Variants in PAX7 observed in about 807,000 individuals in gnomAD.
PAX7 encodes paired box protein Pax-7.
Under a neutral mutation model 50.7 loss-of-function variants are expected in PAX7, and 18 were observed. That is an observed-to-expected ratio of 0.36 (90% CI 0.25 to 0.53). The LOEUF (loss-of-function observed/expected upper bound fraction) is 0.53. PAX7 is among the 20% of genes least tolerant of loss of function. The pLI, the probability that PAX7 is intolerant of heterozygous loss-of-function variation, is 0.93. For missense variants in PAX7, 644 were observed against 702.9 expected, an observed-to-expected ratio of 0.92 and a Z score of 0.95; for synonymous variants, 310 against 290.4, an observed-to-expected ratio of 1.07 and a Z score of -0.69.
In PAX7 at chr1:18,654,053, G is replaced by A. The variant is rs189275987; in HGVS notation, c.586+17682G>A. ...GACTGCAAATACGCCAAAGATGAAC[G>A]CCGCCCGCAGCTGGCTGGCTGCAGC... is the stretch of plus-strand genomic sequence containing the variant. On this transcript the variant is annotated intron_variant, in intron 4 of 8. Coordinates refer to ENST00000420770, the MANE Select transcript of PAX7 (RefSeq NM_001135254.2). Among the ~76,000 whole-genome samples, 6 of 152,092 alleles carry A rather than the reference G, an allele frequency of 3.9e-5. No homozygotes were observed. The East Asian group carries it at 7.8e-4, about 20-fold the overall frequency.
intron 4 of PAX7, among the ~76,000 whole-genome samples, chr1:18,667,413 A>G (rs913708954): frequency 3.3e-5 from 5 of 149,718 alleles, no homozygotes; most frequent in Admixed American, 6.7e-5. Flanking sequence ...GAAGGAAGGA[A>G]GGAAGGAAGG....
intron 7 of PAX7, among the ~76,000 whole-genome samples, chr1:18,704,404 T>A (rs1339279840): frequency 1.3e-5 from 2 of 152,178 alleles, no homozygotes; most frequent in Non-Finnish European, 2.9e-5. Context: ...GTGGATCACC[T>A]GAGGTCAAGA....
chr1:18,645,433 C>T (rs1165278587), intron 4 of PAX7, among the ~76,000 whole-genome samples: 4 of 152,226 alleles, frequency 2.6e-5, no homozygotes, highest in African/African-American at 9.6e-5. Flanking sequence ...GAAAACTCCA[C>T]CCTAAACTTT....
chr1:18,721,143 G>A (rs1391001521), intron 7 of PAX7, among the ~76,000 whole-genome samples: 3 of 152,056 alleles, frequency 2.0e-5, no homozygotes, highest in Admixed American at 1.3e-4. Flanking sequence ...TGTCTGTGGC[G>A]AGGACCTTTT....
chr1:18,735,931 C>T lies in PAX7; in HGVS notation c.1402+53C>T. 1 of 1,614,008 alleles carries T rather than the reference C, an allele frequency of 6.2e-7. No individual in the cohort carries two copies. Among genetic ancestry groups the T allele is most frequent in the Non-Finnish European group, 8.5e-7 (1 of 1,180,030 alleles). Reference sequence around the variant, plus strand: ...CCGTCCCCATTCCTTCTCCCACCCCCAGGGCCTCCTGCTTGTTTATGGAGA... The same window carrying T: ...CCGTCCCCATTCCTTCTCCCACCCCTAGGGCCTCCTGCTTGTTTATGGAGA... On this transcript the variant is annotated intron_variant, in intron 8 of 8. Coordinates refer to ENST00000420770, the MANE Select transcript of PAX7 (RefSeq NM_001135254.2). The surrounding 1 kb of genome is among the most constrained non-coding windows in gnomAD (Gnocchi z 4.0).
At chr1:18,744,151 G>T (rs890117765) in intron 8 of PAX7, among the ~76,000 whole-genome samples, 7 of 152,134 alleles carry the variant, frequency 4.6e-5, no homozygotes, top group African/African-American at 1.7e-4. Context: ...CAAAGGTCTT[G>T]CTTTGCCTTA....
intron 8 of PAX7, among the ~76,000 whole-genome samples, chr1:18,737,291 A>G (rs866542197): frequency 2.0e-5 from 3 of 152,086 alleles, no homozygotes; most frequent in Non-Finnish European, 4.4e-5. Context: ...CCCCCAGCCC[A>G]GCCCTGGGCC....
At chr1:18,701,237 T>C (rs2100322210) in intron 6 of PAX7, among the ~76,000 whole-genome samples, 1 of 152,324 alleles carries the variant, frequency 6.6e-6, no homozygotes, top group South Asian at 2.1e-4. Flanking sequence ...GAACGGATTC[T>C]GCAGGGACTT....
At chr1:18,737,604 G>A (rs969956616) in intron 8 of PAX7, among the ~76,000 whole-genome samples, 19 of 152,238 alleles carry the variant, frequency 1.2e-4, no homozygotes, top group Admixed American at 3.9e-4. Flanking sequence ...GCATATGCGC[G>A]AATACATGTA....
intron 4 of PAX7, among the ~76,000 whole-genome samples, chr1:18,637,435 G>A (rs2088180270): frequency 6.6e-6 from 1 of 152,208 alleles, no homozygotes. Context: ...CAGGCTGAGG[G>A]AATCGGAAAG....
At chr1:18,720,879 T>C (rs2089484814) in intron 7 of PAX7, among the ~76,000 whole-genome samples, 1 of 151,438 alleles carries the variant, frequency 6.6e-6, no homozygotes, top group Admixed American at 6.6e-5. Flanking sequence ...AGGCCAGGGA[T>C]GATGGAGGGG....
chr1:18,636,376 G>A lies in PAX7; in HGVS notation c.586+5G>A. On this transcript the variant is annotated splice_donor_5th_base_variant and intron_variant, in intron 4 of 8. Coordinates refer to ENST00000420770, the MANE Select transcript of PAX7 (RefSeq NM_001135254.2). The surrounding 1 kb of genome is among the most constrained non-coding windows in gnomAD (Gnocchi z 5.1). ...ACGGCATCCTGGGCGACAAAGGTAG[G>A]GAACTTCCCTGGGCTGCGAGGCCCC... The A allele has an allele frequency of 6.2e-7, 1 of 1,614,078 alleles. No homozygotes were observed. Among genetic ancestry groups the A allele is most frequent in the Non-Finnish European group, 8.5e-7 (1 of 1,179,922 alleles).
At chr1:18,670,473 G>A (rs1356469117) in intron 4 of PAX7, among the ~76,000 whole-genome samples, 1 of 152,100 alleles carries the variant, frequency 6.6e-6, no homozygotes, top group South Asian at 2.1e-4. Flanking sequence ...ACCTGTCTGC[G>A]CCCCTCCCAC....
Position 18,700,484 on chromosome 1 carries a change from C to T in PAX7, c.787-169C>T, listed in dbSNP as rs142446845. ...GTTGTGAGGGCAGAATGGGGTCATA[C>T]CTATGAAATCACTCTGCAAAGCGTC... On this transcript the variant is annotated intron_variant, in intron 5 of 8. Transcript: ENST00000420770. The surrounding 1 kb of genome is among the most constrained non-coding windows in gnomAD (Gnocchi z 4.8). Among the ~76,000 whole-genome samples, 381 of 152,266 alleles carry T rather than the reference C, an allele frequency of 2.5e-3. 8 individuals carry two copies. In the South Asian group the frequency reaches 0.036, roughly 15 times the overall value.
chr1:18,633,209 T>G (rs1023390839), intron 1 of PAX7, among the ~76,000 whole-genome samples: 5 of 152,118 alleles, frequency 3.3e-5, no homozygotes, highest in Non-Finnish European at 5.9e-5. Flanking sequence ...CGGAGCCTCT[T>G]CTCGCCTCCT....
chr1:18,726,576 G>T lies in PAX7; in HGVS notation c.1156-9056G>T, dbSNP rs77031823. 0.082 allele frequency among the ~76,000 whole-genome samples: 12,433 copies of T among 152,156 alleles called. 624 individuals carry two copies. Among genetic ancestry groups the T allele is most frequent in the Middle Eastern group, 0.17 (49 of 294 alleles). ...TGGCCACAAGAAAACAACAAACAGG[G>T]TGAGGCTCAGTCTGTTCCCAGGCAG... On this transcript the variant is annotated intron_variant, in intron 7 of 8. Coordinates refer to ENST00000420770, the MANE Select transcript of PAX7 (RefSeq NM_001135254.2). This position sits in a 1 kb window ranked among gnomAD's most constrained non-coding sequence, Gnocchi z 4.8.
chr1:18,683,732 C>T (rs1293942942), intron 4 of PAX7, among the ~76,000 whole-genome samples: 1 of 152,050 alleles, frequency 6.6e-6, no homozygotes, highest in African/African-American at 2.4e-5. Context: ...CCCAGCTACT[C>T]GGGAGGCTAA....
chr1:18,732,274 T>C (rs1257640392), intron 7 of PAX7, among the ~76,000 whole-genome samples: 1 of 152,250 alleles, frequency 6.6e-6, no homozygotes, highest in African/African-American at 2.4e-5. Flanking sequence ...GGACATGGGA[T>C]TGGCATTTTT....
chr1:18,643,369 G>A (rs2100440080), intron 4 of PAX7, among the ~76,000 whole-genome samples: 1 of 152,376 alleles, frequency 6.6e-6, no homozygotes, highest in South Asian at 2.1e-4. Context: ...GGGAGGGGTG[G>A]GGAGAGGCAG....
Sources: gnomAD v4.1 joint callset for allele counts (sites outside exome capture counted in the v4.1 genomes callset) on GRCh38, gnomAD v4.1.1 for gene constraint, Gnocchi (gnomAD v3.1) non-coding constraint, MANE v1.5 for transcripts, NCBI Gene and HGNC (gene_info 2026-07-23, HGNC 2026-07-21) for gene names.